Variants in APPL2 observed in about 807,000 individuals in gnomAD.
The protein encoded by APPL2 is DCC-interacting protein 13-beta.
APPL2 carries 84 observed loss-of-function variants against 92.7 expected under a neutral mutation model. The ratio of observed to expected loss-of-function variants is 0.91; its 90% CI spans 0.76 to 1.09. The LOEUF (loss-of-function observed/expected upper bound fraction) is 1.09. Ranked by LOEUF, APPL2 falls within the 50% of genes least tolerant of loss-of-function variation. The probability of loss-of-function intolerance (pLI) is 0.00; values close to 1 mark genes in which losing one functional copy is unlikely to be tolerated. For synonymous variants in APPL2, 291 were observed against 291.0 expected, an observed-to-expected ratio of 1.00 and a Z score of 0.00; for missense variants, 736 against 824.5, an observed-to-expected ratio of 0.89 and a Z score of 1.31.
intron 5 of APPL2, 37 bp downstream of exon 5, chr12:105,211,193 T>G (rs1889183348): frequency 7.4e-7 from 1 of 1,356,704 alleles, no homozygotes; most frequent in Non-Finnish European, 1.1e-6. Context: ...TTACACAATA[T>G]TTTGAAGGTA....
intron 5 of APPL2, among the ~76,000 whole-genome samples, chr12:105,209,422 C>G (rs929200094): frequency 6.6e-6 from 1 of 152,120 alleles, no homozygotes; most frequent in Admixed American, 6.5e-5. Flanking sequence ...AATCACCATC[C>G]TGGGCAAATA....
intron 16 of APPL2, 113 bp downstream of exon 16, chr12:105,189,659 C>T (rs903615209): frequency 8.1e-7 from 1 of 1,231,214 alleles, no homozygotes; most frequent in Non-Finnish European, 1.2e-6. Flanking sequence ...AACAACAAAT[C>T]TTAATTCATA....
chr12:105,236,023 G>C lies in APPL2; in HGVS notation c.-11C>G. The C allele has an allele frequency of 4.0e-6, 5 of 1,244,832 alleles. No homozygotes were observed. The highest frequency in any genetic ancestry group is 5.1e-6 in the Non-Finnish European group (5 of 987,042). 77.1% of individuals were successfully genotyped at this position (1,244,832 alleles called of 1,614,324 possible). ...GTCCACGGCGGGCATGGTGCGGCGC[G>C]GCTCAGCCGAGGGCTGGGTTGGAAG... On this transcript the variant is annotated 5_prime_UTR_variant, in exon 1 of 21. Transcript: ENST00000258530.
intron 14 of APPL2, among the ~76,000 whole-genome samples, chr12:105,194,129 G>A (rs1376443157): frequency 6.6e-6 from 1 of 152,096 alleles, no homozygotes; most frequent in Non-Finnish European, 1.5e-5. Context: ...AAAATGTAAT[G>A]GGGTTCTTTC....
rs1371105708 is a variant in APPL2, at chr12:105,195,625, C to T, written c.1055G>A (p.Gly352Glu). 1.9e-6 allele frequency: 3 copies of T among 1,614,118 alleles called. No homozygotes were observed. The highest frequency in any genetic ancestry group is 1.7e-5 in the Admixed American group (1 of 60,024). The change falls in exon 12 of 21, where the codon GGA (glycine) becomes GAA (glutamate). Residue 352 changes from glycine to glutamate, a missense_variant and splice_region_variant. Coordinates refer to ENST00000258530, the MANE Select transcript of APPL2 (RefSeq NM_018171.5). Reference protein sequence around the residue: ...FQITTPNGKSGIILQAESRKE... With the variant: ...FQITTPNGKSEIILQAESRKE... ...TCTGCTCTCAGCCTGGAGGATTATT[C>T]CCCTGAAACAAAAGTGTCTAAGTAA... is the stretch of plus-strand genomic sequence containing the variant.
At chr12:105,195,132 C>T (rs1465130538) in intron 14 of APPL2, 129 bp downstream of exon 14, 14 of 873,612 alleles carry the variant, frequency 1.6e-5, no homozygotes, top group East Asian at 2.6e-5. Flanking sequence ...TCCCAGCCAT[C>T]GTTACTGCTT....
chr12:105,190,366 T>G (rs1887094450), intron 14 of APPL2, among the ~76,000 whole-genome samples: 1 of 152,236 alleles, frequency 6.6e-6, no homozygotes, highest in African/African-American at 2.4e-5. Flanking sequence ...CAGTTCTCTC[T>G]GCTGCACAGC....
At position 105,220,230 on chromosome 12, in the gene APPL2, A is replaced by G. The variant is rs1243647783; in HGVS notation, c.154-2505T>C. ...GGAGAGGAGAAGGCCTCTGCTTTAC[A>G]CTAGGGTGGGCAAACTTTTTCTGTA... On this transcript the variant is annotated intron_variant, in intron 2 of 20. Coordinates refer to ENST00000258530, the MANE Select transcript of APPL2 (RefSeq NM_018171.5). 7.2e-5 allele frequency among the ~76,000 whole-genome samples: 11 copies of G among 152,310 alleles called. No individual in the cohort carries two copies. In the East Asian group the frequency reaches 2.1e-3, roughly 29 times the overall value.
intron 1 of APPL2, among the ~76,000 whole-genome samples, chr12:105,232,421 A>C (rs531474720): frequency 6.6e-6 from 1 of 152,368 alleles, no homozygotes; most frequent in African/African-American, 2.4e-5. Context: ...CCCAATGTTA[A>C]CACCACTGAC....
chr12:105,234,419 T>A (rs1891110883), intron 1 of APPL2, among the ~76,000 whole-genome samples: 1 of 152,226 alleles, frequency 6.6e-6, no homozygotes, highest in Non-Finnish European at 1.5e-5. Flanking sequence ...GTCTCCTGAC[T>A]TGCTCTACAG....
rs10071 is a variant in APPL2, at chr12:105,173,794, A to G, written c.*520T>C. The G allele has an allele frequency of 0.56, 86,015 of 152,242 alleles. 25,682 individuals carry two copies. Among genetic ancestry groups the G allele is most frequent in the Middle Eastern group, 0.72 (213 of 294 alleles). The allele number at this position is 152,242 out of a possible 1,614,324, so 9.4% of individuals were successfully genotyped here. On this transcript the variant is annotated 3_prime_UTR_variant, in exon 21 of 21. Coordinates refer to ENST00000258530, the MANE Select transcript of APPL2 (RefSeq NM_018171.5). ...GTGCTTGGGCCTCAAAGCAGTGCTC[A>G]TCACCTAACTGCACAAAGAAATGCT...
intron 1 of APPL2, chr12:105,233,227 G>C (rs1312992370): frequency 3.0e-6 from 3 of 985,336 alleles, no homozygotes; most frequent in African/African-American, 1.7e-5. Flanking sequence ...CTGTGAACCA[G>C]TCAAGGGTAG....
chr12:105,198,187 G>A (rs973721754), intron 10 of APPL2, among the ~76,000 whole-genome samples: 2 of 152,110 alleles, frequency 1.3e-5, no homozygotes, highest in Admixed American at 6.5e-5. Context: ...TCCCAGGGCC[G>A]ACTCCCCGCA....
chr12:105,204,218 A>G (rs1888497037), intron 8 of APPL2, among the ~76,000 whole-genome samples: 2 of 152,152 alleles, frequency 1.3e-5, no homozygotes, highest in African/African-American at 4.8e-5. Flanking sequence ...TCCATTTTCT[A>G]TGTCTGCTGG....
At chr12:105,216,206 A>G (rs1311017844) in intron 4 of APPL2, among the ~76,000 whole-genome samples, 13 of 152,110 alleles carry the variant, frequency 8.5e-5, no homozygotes. Flanking sequence ...AGCTATAAGA[A>G]CAGTTGTATT....
chr12:105,190,938 C>T (rs904319984), intron 14 of APPL2, among the ~76,000 whole-genome samples: 1 of 152,202 alleles, frequency 6.6e-6, no homozygotes, highest in Non-Finnish European at 1.5e-5. Context: ...TTTTAAAAAT[C>T]TTTTCTCCTC....
At chr12:105,178,438 G>A (rs1885767115) in intron 17 of APPL2, among the ~76,000 whole-genome samples, 1 of 152,140 alleles carries the variant, frequency 6.6e-6, no homozygotes, top group Non-Finnish European at 1.5e-5. Context: ...TGATGAAAAT[G>A]TTGTAAAATT....
At chr12:105,219,842 A>G (rs1889962984) in intron 2 of APPL2, among the ~76,000 whole-genome samples, 1 of 152,248 alleles carries the variant, frequency 6.6e-6, no homozygotes. Flanking sequence ...AGTTAGCAGC[A>G]GATGGATTCA....
chr12:105,223,568 G>C (rs968292959), intron 2 of APPL2, among the ~76,000 whole-genome samples: 18 of 152,176 alleles, frequency 1.2e-4, no homozygotes, highest in Non-Finnish European at 2.5e-4. Flanking sequence ...GTGGAGAGAG[G>C]CTGTGAGCCA....
Sources: gnomAD v4.1 joint callset for allele counts (sites outside exome capture counted in the v4.1 genomes callset) on GRCh38, gnomAD v4.1.1 for gene constraint, MANE v1.5 for transcripts, NCBI Gene and HGNC (gene_info 2026-07-23, HGNC 2026-07-21) for gene names.